The following ZMIZ1 variants were observed in gnomAD, a reference collection of about 807,000 sequenced individuals.
ZMIZ1 encodes the protein zinc finger MIZ domain-containing protein 1.
A neutral mutation model predicts 113.9 loss-of-function variants in ZMIZ1; 17 were observed. The ratio of observed to expected loss-of-function variants is 0.15; its 90% CI spans 0.10 to 0.22. The LOEUF is 0.22. ZMIZ1 is among the 10% of genes least tolerant of loss of function. The pLI, the probability that ZMIZ1 is intolerant of heterozygous loss-of-function variation, is 1.00. For missense variants in ZMIZ1, 1,059 were observed against 1,477.8 expected, an observed-to-expected ratio of 0.72 and a Z score of 4.65; for synonymous variants, 607 against 603.1, an observed-to-expected ratio of 1.01 and a Z score of -0.09.
intron 1 of ZMIZ1, among the ~76,000 whole-genome samples, chr10:79,117,777 A>G (rs1844119028): frequency 6.6e-6 from 1 of 152,154 alleles, no homozygotes; most frequent in South Asian, 2.1e-4. Flanking sequence ...GATGGGCTGG[A>G]GGTGCATCTT....
chr10:79,152,666 G>A (rs1337964013), intron 3 of ZMIZ1, among the ~76,000 whole-genome samples: 1 of 152,230 alleles, frequency 6.6e-6, no homozygotes, highest in East Asian at 1.9e-4. Flanking sequence ...CTGGTGCATG[G>A]GTTCTGGAGC....
At chr10:79,218,243 G>A (rs909844673) in intron 7 of ZMIZ1, among the ~76,000 whole-genome samples, 4 of 152,230 alleles carry the variant, frequency 2.6e-5, no homozygotes, top group Non-Finnish European at 5.9e-5. Context: ...GGAGGCTCAG[G>A]CAGGTGGATC....
chr10:79,304,314 C>T, intron 19 of ZMIZ1, 139 bp downstream of exon 19: 3 of 1,175,652 alleles, frequency 2.6e-6, no homozygotes, highest in Non-Finnish European at 3.5e-6. Flanking sequence ...TGGCGTCACT[C>T]ATTAATTTCC....
intron 1 of ZMIZ1, among the ~76,000 whole-genome samples, chr10:79,088,068 T>C (rs1177431259): frequency 1.3e-5 from 2 of 152,202 alleles, no homozygotes; most frequent in Non-Finnish European, 2.9e-5. Flanking sequence ...GCTGGTCGGC[T>C]TTGTGATGTG....
chr10:79,123,971 C>T (rs1329424661), intron 2 of ZMIZ1, among the ~76,000 whole-genome samples: 5 of 152,266 alleles, frequency 3.3e-5, no homozygotes, highest in Non-Finnish European at 5.9e-5. Context: ...TGCGTGAAAT[C>T]TGTGGCCTGC....
At chr10:79,096,437 G>T (rs563248848) in intron 1 of ZMIZ1, among the ~76,000 whole-genome samples, 1 of 146,494 alleles carries the variant, frequency 6.8e-6, no homozygotes, top group Non-Finnish European at 1.6e-5. Context: ...GCGTGAACCC[G>T]GGAGGCGGAG....
At chr10:79,257,611 C>T (rs1464671108) in intron 7 of ZMIZ1, among the ~76,000 whole-genome samples, 1 of 152,210 alleles carries the variant, frequency 6.6e-6, no homozygotes, top group Admixed American at 6.5e-5. Flanking sequence ...CCAGGCCTCA[C>T]AGACCATGGT....
chr10:79,090,209 A>G (rs1409926349), intron 1 of ZMIZ1, among the ~76,000 whole-genome samples: 1 of 152,004 alleles, frequency 6.6e-6, no homozygotes, highest in African/African-American at 2.4e-5. Flanking sequence ...AGAGGGAGGG[A>G]CTCCCAGGTG....
chr10:79,134,424 G>A (rs567060629), intron 2 of ZMIZ1, among the ~76,000 whole-genome samples: 5 of 152,308 alleles, frequency 3.3e-5, no homozygotes, highest in African/African-American at 1.2e-4. Flanking sequence ...GCAGGGAGGT[G>A]GCTTTATCTG....
intron 3 of ZMIZ1, among the ~76,000 whole-genome samples, chr10:79,158,894 A>G (rs1424555132): frequency 6.6e-6 from 1 of 152,234 alleles, no homozygotes; most frequent in Admixed American, 6.5e-5. Context: ...TCTGCAAAGC[A>G]GGAGTGAGTC....
At chr10:79,237,871 C>T (rs1039618460) in intron 7 of ZMIZ1, among the ~76,000 whole-genome samples, 7 of 152,174 alleles carry the variant, frequency 4.6e-5, no homozygotes, top group African/African-American at 1.7e-4. Flanking sequence ...AGGAGGAGGT[C>T]GAGGCTCTGA....
rs1855445275 is a variant in ZMIZ1, at chr10:79,315,036, G to C, written c.*2287G>C. On this transcript the variant is annotated 3_prime_UTR_variant, in exon 25 of 25. Coordinates refer to ENST00000334512, the MANE Select transcript of ZMIZ1 (RefSeq NM_020338.4). The stretch of plus-strand genomic sequence containing the variant: ...GGGTGTGTCCACACTCTGCTCACAG[G>C]TGGATCCACGGCTTTCCAGTGCGGA... The C allele has an allele frequency of 6.5e-6, 1 of 152,800 alleles. No homozygotes were observed. The highest frequency in any genetic ancestry group is 1.5e-5 in the Non-Finnish European group (1 of 68,076). 9.5% of individuals were successfully genotyped at this position (152,800 alleles called of 1,614,324 possible).
At chr10:79,239,677 C>G (rs561222264) in intron 7 of ZMIZ1, among the ~76,000 whole-genome samples, 4 of 152,226 alleles carry the variant, frequency 2.6e-5, no homozygotes, top group African/African-American at 9.6e-5. Context: ...GGCCTCTCAG[C>G]CCCCAGGCCT....
At chr10:79,097,172 T>TG (rs1050690310) in intron 1 of ZMIZ1, among the ~76,000 whole-genome samples, 1 of 152,128 alleles carries the variant, frequency 6.6e-6, no homozygotes, top group South Asian at 2.1e-4. Context: ...CTGTATCTGC[T>TG]GGGGGGTCCC....
chr10:79,075,927 G>C (rs10762841), intron 1 of ZMIZ1, among the ~76,000 whole-genome samples: 90,174 of 152,022 alleles, frequency 0.59, 27,101 homozygotes, highest in African/African-American at 0.66. Context: ...TTCCCAATCC[G>C]CAGGGGATGA....
At chr10:79,287,092 TCTC>T (rs1412884228) in intron 8 of ZMIZ1, among the ~76,000 whole-genome samples, 1 of 151,964 alleles carries the variant, frequency 6.6e-6, no homozygotes, top group Non-Finnish European at 1.5e-5. Flanking sequence ...GTCCAGGGGA[TCTC>T]CTCTTTGTTT....
intron 4 of ZMIZ1, among the ~76,000 whole-genome samples, chr10:79,164,307 G>A (rs1846229376): frequency 6.6e-6 from 1 of 152,228 alleles, no homozygotes; most frequent in African/African-American, 2.4e-5. Flanking sequence ...TGGGTGAAGG[G>A]CAGCTGTTAA....
rs1279323825 is a variant in ZMIZ1, at chr10:79,072,065, A to AG, written c.-337+2795_-337+2796insG. The stretch of plus-strand genomic sequence containing the variant: ...GTAGGGCTTACTGAGAAGAGTTGGG[A>AG]ATAAGAAATTGCTGGACTTATGAAT... On this transcript the variant is annotated intron_variant, in intron 1 of 24. Transcript: ENST00000334512. Among the ~76,000 whole-genome samples the AG allele has an allele frequency of 2.6e-4, 40 of 152,140 alleles. 1 individual carries two copies. Among genetic ancestry groups the AG allele is most frequent in the Non-Finnish European group, 5.3e-4 (36 of 68,018 alleles).
At chr10:79,072,905 G>T (rs1842339070) in intron 1 of ZMIZ1, among the ~76,000 whole-genome samples, 1 of 152,234 alleles carries the variant, frequency 6.6e-6, no homozygotes. Context: ...CCCTTTGGGG[G>T]AGTGCTCTTT....
Sources: gnomAD v4.1 joint callset for allele counts (sites outside exome capture counted in the v4.1 genomes callset) on GRCh38, gnomAD v4.1.1 for gene constraint, MANE v1.5 for transcripts, NCBI Gene and HGNC (gene_info 2026-07-23, HGNC 2026-07-21) for gene names.